The following CCDC148 variants were observed in gnomAD, a reference collection of about 807,000 sequenced individuals.
The protein encoded by CCDC148 is coiled-coil domain-containing protein 148.
A neutral mutation model predicts 85.7 loss-of-function variants in CCDC148; 89 were observed. The observed-to-expected ratio is 1.04, with a 90% CI of 0.87 to 1.24. The LOEUF (loss-of-function observed/expected upper bound fraction) is 1.24. CCDC148 is among the 50% of genes most tolerant of loss of function. CCDC148 has a pLI of 0.00. For missense variants in CCDC148, 692 were observed against 671.7 expected, an observed-to-expected ratio of 1.03 and a Z score of -0.33; for synonymous variants, 230 against 213.9, an observed-to-expected ratio of 1.08 and a Z score of -0.66.
chr2:158,242,050 A>C (rs923468149), intron 10 of CCDC148, among the ~76,000 whole-genome samples: 7 of 151,996 alleles, frequency 4.6e-5, no homozygotes, highest in Non-Finnish European at 1.5e-5. Flanking sequence ...CTATTTCTGC[A>C]TGCCCTATGC....
At position 158,329,878 on chromosome 2, in the gene CCDC148, G is replaced by C. The variant is rs565339239; in HGVS notation, c.764+8848C>G. ...TGATTTTGTATCCTGAGACTTTGCCGAAGTTACCTATTAGCTAAGGAGATT... is the reference window on the plus strand; with the variant it reads ...TGATTTTGTATCCTGAGACTTTGCCCAAGTTACCTATTAGCTAAGGAGATT... On this transcript the variant is annotated intron_variant, in intron 7 of 13. Transcript: ENST00000283233. Among the ~76,000 whole-genome samples the C allele has an allele frequency of 1.1e-4, 16 of 152,286 alleles. No individual in the cohort carries two copies. In the South Asian group the frequency reaches 3.3e-3, roughly 32 times the overall value.
chr2:158,251,929 C>T (rs1412216495), intron 9 of CCDC148, among the ~76,000 whole-genome samples: 1 of 151,722 alleles, frequency 6.6e-6, no homozygotes, highest in African/African-American at 2.4e-5. Context: ...TTAAACCTTT[C>T]TGTGCTGGGT....
At chr2:158,437,764 A>C (rs1389987114) in intron 1 of CCDC148, among the ~76,000 whole-genome samples, 1 of 152,230 alleles carries the variant, frequency 6.6e-6, no homozygotes, top group East Asian at 1.9e-4. Flanking sequence ...TAAGCTGATA[A>C]GCAACTTCAG....
intron 1 of CCDC148, among the ~76,000 whole-genome samples, chr2:158,400,514 G>A (rs564994950): frequency 6.6e-6 from 1 of 152,238 alleles, no homozygotes; most frequent in Admixed American, 6.5e-5. Flanking sequence ...TATGCAGAAA[G>A]CTGAAACTGG....
chr2:158,240,549 G>A lies in CCDC148; in HGVS notation c.1251+10223C>T, dbSNP rs72936092. Among the ~76,000 whole-genome samples the A allele has an allele frequency of 7.2e-3, 1,099 of 151,652 alleles. 4 individuals are homozygous for A. Among genetic ancestry groups the A allele is most frequent in the Non-Finnish European group, 0.012 (820 of 67,928 alleles). Reference sequence around the variant, plus strand: ...ACAAGGTTAACAAGGAGAGTCATGAGGGAAAAGGACCTGGAAGAAATGGAT... The same window carrying A: ...ACAAGGTTAACAAGGAGAGTCATGAAGGAAAAGGACCTGGAAGAAATGGAT... On this transcript the variant is annotated intron_variant, in intron 10 of 13. Coordinates refer to ENST00000283233, the MANE Select transcript of CCDC148 (RefSeq NM_138803.4).
At chr2:158,452,227 A>C (rs74824115) in intron 1 of CCDC148, among the ~76,000 whole-genome samples, 19,007 of 152,186 alleles carry the variant, frequency 0.12, 1,586 homozygotes, top group Non-Finnish European at 0.17. Flanking sequence ...TGAAGAGGCT[A>C]CACAAAGGAA....
rs755383954 is a variant in CCDC148 at position 158,433,074 on chromosome 2, C to CAAAA, written c.25+23337_25+23340dup. ...AAAACATGGCAAAACCTCATCTCTA[C>CAAAA]AAAAAAAAAAAAAAAAAATATATAT... is the stretch of plus-strand genomic sequence containing the variant. On this transcript the variant is annotated intron_variant, in intron 1 of 13. Coordinates refer to ENST00000283233, the MANE Select transcript of CCDC148 (RefSeq NM_138803.4). Among the ~76,000 whole-genome samples the CAAAA allele has an allele frequency of 1.1e-3, 85 of 74,006 alleles. 1 individual carries two copies. The highest frequency in any genetic ancestry group is 2.0e-3 in the Non-Finnish European group (77 of 39,398). The allele number at this position is 74,006 out of a possible 152,430, so 48.6% of individuals were successfully genotyped here.
intron 11 of CCDC148, among the ~76,000 whole-genome samples, chr2:158,217,466 G>T (rs6730493): frequency 3.3e-5 from 5 of 150,346 alleles, no homozygotes; most frequent in African/African-American, 1.2e-4. Flanking sequence ...GCGGTAGCAC[G>T]ATCTCAGCTC....
intron 11 of CCDC148, among the ~76,000 whole-genome samples, chr2:158,197,608 G>A (rs540948127): frequency 4.6e-5 from 7 of 152,254 alleles, no homozygotes; most frequent in African/African-American, 7.2e-5. Context: ...GAGAGCATAA[G>A]AGAGCCTCTA....
At chr2:158,350,977 C>G (rs1683236987) in intron 2 of CCDC148, among the ~76,000 whole-genome samples, 1 of 152,050 alleles carries the variant, frequency 6.6e-6, no homozygotes, top group South Asian at 2.1e-4. Context: ...AATAGAACAC[C>G]AGAACTGATT....
At chr2:158,355,511 C>A (rs1372437273) in intron 2 of CCDC148, among the ~76,000 whole-genome samples, 1 of 148,720 alleles carries the variant, frequency 6.7e-6, no homozygotes, top group Admixed American at 6.7e-5. Flanking sequence ...ACCTAGGAAT[C>A]CAACTTACAA....
chr2:158,186,209 C>A (rs1685148261), intron 11 of CCDC148, among the ~76,000 whole-genome samples: 1 of 152,012 alleles, frequency 6.6e-6, no homozygotes. Context: ...GGTCAGTGTC[C>A]AATATTTACT....
intron 1 of CCDC148, among the ~76,000 whole-genome samples, chr2:158,414,555 C>T (rs1686408881): frequency 6.8e-6 from 1 of 146,458 alleles, no homozygotes; most frequent in African/African-American, 2.5e-5. Context: ...ACGTTGTGCA[C>T]ATGTACCCTA....
At chr2:158,433,425 G>A (rs1053722626) in intron 1 of CCDC148, among the ~76,000 whole-genome samples, 1 of 151,912 alleles carries the variant, frequency 6.6e-6, no homozygotes, top group Non-Finnish European at 1.5e-5. Context: ...CAAAGCACTT[G>A]TATCAAAATA....
chr2:158,388,395 C>T (rs766483466), intron 1 of CCDC148, among the ~76,000 whole-genome samples: 4 of 152,224 alleles, frequency 2.6e-5, no homozygotes, highest in Admixed American at 6.5e-5. Flanking sequence ...AGAGCATGAA[C>T]TCTGGAGCTA....
chr2:158,190,490 T>C (rs1399032242), intron 11 of CCDC148, among the ~76,000 whole-genome samples: 1 of 152,028 alleles, frequency 6.6e-6, no homozygotes, highest in African/African-American at 2.4e-5. Flanking sequence ...AGCTTACATC[T>C]GGATTTTGAA....
At chr2:158,254,144 T>G (rs907863323) in intron 9 of CCDC148, among the ~76,000 whole-genome samples, 6 of 151,734 alleles carry the variant, frequency 4.0e-5, no homozygotes, top group African/African-American at 1.4e-4. Context: ...AATATGTGGT[T>G]TATATTTGGA....
In CCDC148 at chr2:158,367,371, A is replaced by G. The variant is rs117508526; in HGVS notation, c.26-8801T>C. The stretch of plus-strand genomic sequence containing the variant: ...TGTCCAAGTTTGCCATCTTTATCTC[A>G]TAGGAGACCTCTCCTGTCCTCTTAT... On this transcript the variant is annotated intron_variant, in intron 1 of 13. Transcript: ENST00000283233. Among the ~76,000 whole-genome samples the G allele has an allele frequency of 9.9e-4, 151 of 152,254 alleles. 2 individuals are homozygous for G. The East Asian group carries it at 0.028, about 28-fold the overall frequency.
intron 2 of CCDC148, among the ~76,000 whole-genome samples, chr2:158,351,276 G>A (rs1422893665): frequency 2.6e-5 from 4 of 152,222 alleles, no homozygotes; most frequent in African/African-American, 4.8e-5. Context: ...AGCTCCCAGC[G>A]TGAGTGACGC....
Sources: allele counts gnomAD v4.1 joint callset (sites outside exome capture counted in the v4.1 genomes callset), GRCh38; gene constraint gnomAD v4.1.1; transcripts MANE v1.5; gene names NCBI Gene and HGNC (gene_info 2026-07-23, HGNC 2026-07-21).